Variants in BCAS4 observed in about 807,000 individuals in gnomAD.
The protein encoded by BCAS4 is breast carcinoma-amplified sequence 4.
In BCAS4, 9 loss-of-function variants were observed where a neutral mutation model predicts 15.7. That is an observed-to-expected ratio of 0.57 (90% CI 0.34 to 1.00). BCAS4 has a LOEUF of 1.00. BCAS4 is among the 50% of genes least tolerant of loss of function. The pLI, the probability that BCAS4 is intolerant of heterozygous loss-of-function variation, is 0.02. For missense variants in BCAS4, 225 were observed against 239.1 expected (o/e 0.94, Z 0.39); for synonymous variants, 101 against 99.5 (o/e 1.02, Z -0.09).
chr20:50,825,400 T>A (rs2088267770), intron 2 of BCAS4, among the ~76,000 whole-genome samples: 1 of 152,144 alleles, frequency 6.6e-6, no homozygotes, highest in Non-Finnish European at 1.5e-5. Context: ...TCTTTTATGG[T>A]TCCCAGCCCA....
Position 50,851,460 on chromosome 20 carries a change from C to G in BCAS4, c.399+9560C>G, listed in dbSNP as rs868736391. ...GTTCCTGGCAGGCTGGTTTGGGAAT[C>G]AAATTGTGTTTTTCAGGCATTTCAT... On this transcript the variant is annotated intron_variant, in intron 4 of 4. Transcript: ENST00000371608. The surrounding 1 kb of genome is among the most constrained non-coding windows in gnomAD (Gnocchi z 4.3). 1.3e-5 allele frequency among the ~76,000 whole-genome samples: 2 copies of G among 152,232 alleles called. No homozygotes were observed. The highest frequency in any genetic ancestry group is 3.4e-3 in the Middle Eastern group (1 of 294).
At chr20:50,828,152 A>G (rs911867650) in intron 2 of BCAS4, among the ~76,000 whole-genome samples, 2 of 151,832 alleles carry the variant, frequency 1.3e-5, no homozygotes, top group African/African-American at 2.4e-5. Flanking sequence ...GCAGCCTGAC[A>G]CCACATGCCA....
chr20:50,825,155 T>C (rs2123784977), intron 2 of BCAS4, among the ~76,000 whole-genome samples: 1 of 152,312 alleles, frequency 6.6e-6, no homozygotes, highest in Non-Finnish European at 1.5e-5. Context: ...TCCCAGCACA[T>C]GGTGAGAGTT....
At chr20:50,809,426 C>T (rs2088033924) in intron 1 of BCAS4, among the ~76,000 whole-genome samples, 1 of 152,094 alleles carries the variant, frequency 6.6e-6, no homozygotes, top group Non-Finnish European at 1.5e-5. Flanking sequence ...CCAGGTTAGT[C>T]TTGAACTCCT....
intron 4 of BCAS4, among the ~76,000 whole-genome samples, chr20:50,843,362 C>T (rs2088506511): frequency 6.6e-6 from 1 of 152,212 alleles, no homozygotes; most frequent in South Asian, 2.1e-4. Context: ...ACAGTATCTC[C>T]ATTTAACAGG....
chr20:50,838,258 C>G (rs909781940), intron 3 of BCAS4, among the ~76,000 whole-genome samples: 2 of 152,226 alleles, frequency 1.3e-5, no homozygotes, highest in African/African-American at 4.8e-5. Context: ...GCTGACTCAG[C>G]AGCTTCTGTT....
intron 1 of BCAS4, among the ~76,000 whole-genome samples, chr20:50,803,904 A>T (rs967287309): frequency 2.0e-5 from 3 of 151,838 alleles, no homozygotes; most frequent in East Asian, 3.9e-4. Context: ...CATTGGAATT[A>T]TAAAAGCTCT....
chr20:50,826,964 TAAAAAAAC>T (rs1005142673), intron 2 of BCAS4, among the ~76,000 whole-genome samples: 12 of 150,696 alleles, frequency 8.0e-5, no homozygotes, highest in African/African-American at 2.0e-4. Flanking sequence ...CAAGACCCTA[TAAAAAAAC>T]AAAAAAACAA....
intron 1 of BCAS4, among the ~76,000 whole-genome samples, chr20:50,806,862 CTTTTTTTT>C (rs34670373): frequency 1.2e-5 from 1 of 83,356 alleles, no homozygotes; most frequent in Non-Finnish European, 2.1e-5. Context: ...TCCATTTATA[CTTTTTTTT>C]TTTTTTTTTT....
chr20:50,801,903 C>G (rs2087931733), intron 1 of BCAS4, among the ~76,000 whole-genome samples: 1 of 151,940 alleles, frequency 6.6e-6, no homozygotes, highest in South Asian at 2.1e-4. Flanking sequence ...AGATGAGGGA[C>G]CGGGAGGTGC....
At chr20:50,866,891 C>A (rs949276669) in intron 4 of BCAS4, among the ~76,000 whole-genome samples, 1 of 152,176 alleles carries the variant, frequency 6.6e-6, no homozygotes, top group African/African-American at 2.4e-5. Context: ...CTCTCTCAGC[C>A]GCTGTGAGGA....
At chr20:50,810,276 G>A (rs531815738) in intron 1 of BCAS4, among the ~76,000 whole-genome samples, 2 of 152,052 alleles carry the variant, frequency 1.3e-5, no homozygotes, top group Admixed American at 6.6e-5. Flanking sequence ...GAGTCACAGA[G>A]CCTTGCTCCC....
rs572084169 is a variant in BCAS4 at position 50,827,027 on chromosome 20, C to A, written c.163-3252C>A. ...CACCAAAAACAAACAAACAAACAAA[C>A]AAAAAAAACGAAGAAACCAGCATTG... is the stretch of plus-strand genomic sequence containing the variant. On this transcript the variant is annotated intron_variant, in intron 2 of 4. Transcript: ENST00000371608. 2.4e-3 allele frequency among the ~76,000 whole-genome samples: 359 copies of A among 151,832 alleles called. 1 individual carries two copies. The highest frequency in any genetic ancestry group is 7.0e-3 in the African/African-American group (291 of 41,444).
At chr20:50,811,124 G>A (rs970687673) in intron 1 of BCAS4, among the ~76,000 whole-genome samples, 37 of 152,294 alleles carry the variant, frequency 2.4e-4, no homozygotes, top group African/African-American at 8.7e-4. Flanking sequence ...TGAGATCAGG[G>A]GGAGGTGGAG....
intron 4 of BCAS4, among the ~76,000 whole-genome samples, chr20:50,855,671 G>A (rs962169162): frequency 7.2e-5 from 11 of 152,026 alleles, no homozygotes; most frequent in Admixed American, 2.0e-4. Context: ...CTGGGCCGTG[G>A]GCACCCATTG....
At chr20:50,799,586 G>C (rs1477964827) in intron 1 of BCAS4, among the ~76,000 whole-genome samples, 1 of 152,208 alleles carries the variant, frequency 6.6e-6, no homozygotes, top group Non-Finnish European at 1.5e-5. Context: ...CCATGGAGCA[G>C]CAGAAATCTC....
rs117659216 is a variant in BCAS4, at chr20:50,871,727, C to G, written c.400-4759C>G. 5.6e-4 allele frequency among the ~76,000 whole-genome samples: 86 copies of G among 152,342 alleles called. No individual in the cohort carries two copies. The East Asian group carries it at 0.016, about 28-fold the overall frequency. The stretch of plus-strand genomic sequence containing the variant: ...GCGGGGTTCATTCTCAGGCGGGCCC[C>G]TGGTGGGGTGGCAGGAGTGGCCTGT... On this transcript the variant is annotated intron_variant, in intron 4 of 4. Coordinates refer to ENST00000371608, the MANE Select transcript of BCAS4 (RefSeq NM_198799.4).
At chr20:50,848,150 G>A (rs1029782817) in intron 4 of BCAS4, among the ~76,000 whole-genome samples, 1 of 151,950 alleles carries the variant, frequency 6.6e-6, no homozygotes, top group Non-Finnish European at 1.5e-5. Context: ...CAGCTACTTG[G>A]GAGGCTGGGG....
At chr20:50,799,343 A>G (rs2087901330) in intron 1 of BCAS4, among the ~76,000 whole-genome samples, 1 of 152,232 alleles carries the variant, frequency 6.6e-6, no homozygotes, top group African/African-American at 2.4e-5. Flanking sequence ...CCATGCAGCC[A>G]TAACCCACTG....
Sources: gnomAD v4.1 joint callset for allele counts (sites outside exome capture counted in the v4.1 genomes callset) on GRCh38, gnomAD v4.1.1 for gene constraint, Gnocchi (gnomAD v3.1) non-coding constraint, MANE v1.5 for transcripts, NCBI Gene and HGNC (gene_info 2026-07-23, HGNC 2026-07-21) for gene names.